Variants in ADD2 observed in about 807,000 individuals in gnomAD.
ADD2 encodes beta-adducin.
Under a neutral mutation model 83.0 loss-of-function variants are expected in ADD2, and 23 were observed. The observed-to-expected ratio is 0.28, with a 90% CI of 0.20 to 0.39. ADD2 has a LOEUF of 0.39. Ranked by LOEUF, ADD2 falls within the 10% of genes least tolerant of loss-of-function variation. ADD2 has a pLI of 1.00. For synonymous variants in ADD2, 375 were observed against 375.4 expected (o/e 1.00, Z 0.01); for missense variants, 758 against 944.9 (o/e 0.80, Z 2.59).
At chr2:70,703,900 G>A (rs1489907188) in intron 4 of ADD2, among the ~76,000 whole-genome samples, 1 of 152,084 alleles carries the variant, frequency 6.6e-6, no homozygotes, top group Non-Finnish European at 1.5e-5. Context: ...TTATTGAGGG[G>A]GAGTTATTTT....
intron 4 of ADD2, 55 bp downstream of exon 4, chr2:70,704,263 TCCC>T: frequency 2.2e-6 from 2 of 913,238 alleles, no homozygotes; most frequent in Non-Finnish European, 3.4e-6. Context: ...CTCCCTCTCT[TCCC>T]CACCCCACCC....
At position 70,657,288 on chromosome 2, in the gene ADD2, GAC is replaced by G. The variant is rs1355144822; in HGVS notation, c.*6135_*6136del. 6.6e-6 allele frequency: 1 copy of G among 152,176 alleles called. No individual in the cohort carries two copies. The highest frequency in any genetic ancestry group is 1.5e-5 in the Non-Finnish European group (1 of 68,018). 9.4% of individuals were successfully genotyped at this position (152,176 alleles called of 1,614,324 possible). ...AAGTACTCTTGCGTGACGATTGTCA[GAC>G]ACAGACATTTCACTGAAACCATCCA... is the stretch of plus-strand genomic sequence containing the variant. On this transcript the variant is annotated 3_prime_UTR_variant, in exon 16 of 16. Transcript: ENST00000264436.
At chr2:70,713,004 G>A in intron 2 of ADD2, 62 bp downstream of exon 2, 4 of 742,884 alleles carry the variant, frequency 5.4e-6, no homozygotes, top group Non-Finnish European at 6.6e-6. Context: ...TACCTCACGT[G>A]ATGGGCCCAG....
chr2:70,692,036 G>A (rs529196150), intron 7 of ADD2, among the ~76,000 whole-genome samples: 120 of 152,276 alleles, frequency 7.9e-4, no homozygotes, highest in African/African-American at 2.5e-3. Flanking sequence ...ATGGGAAAAC[G>A]GGCACAGTCC....
intron 15 of ADD2, among the ~76,000 whole-genome samples, chr2:70,672,456 T>C (rs1192014250): frequency 1.3e-5 from 2 of 152,186 alleles, no homozygotes; most frequent in African/African-American, 4.8e-5. Flanking sequence ...TAAGGTTGAG[T>C]ATGACATCAT....
chr2:70,730,456 T>C (rs1553379072), intron 1 of ADD2, among the ~76,000 whole-genome samples: 4 of 152,230 alleles, frequency 2.6e-5, no homozygotes, highest in East Asian at 3.8e-4. Flanking sequence ...ACACCTGTTA[T>C]GTCCTGTGTT....
chr2:70,656,990 A>G lies in ADD2; in HGVS notation c.*6435T>C, dbSNP rs1553364234. 1 of 148,798 alleles carries G rather than the reference A, an allele frequency of 6.7e-6. No individual in the cohort carries two copies. Among genetic ancestry groups the G allele is most frequent in the Non-Finnish European group, 1.5e-5 (1 of 67,352 alleles). 9.2% of individuals were successfully genotyped at this position (148,798 alleles called of 1,614,324 possible). ...CTCAGAGATTCAAACAGAAAACTAT[A>G]CAAAACCAACCCATAAATATATATA... On this transcript the variant is annotated 3_prime_UTR_variant, in exon 16 of 16. Transcript: ENST00000264436.
At chr2:70,745,870 C>G (rs1385297716) in intron 1 of ADD2, among the ~76,000 whole-genome samples, 1 of 152,174 alleles carries the variant, frequency 6.6e-6, no homozygotes, top group African/African-American at 2.4e-5. Flanking sequence ...GTTAGAGAAA[C>G]AGATTAATTG....
chr2:70,751,335 T>C (rs894839168), intron 1 of ADD2, among the ~76,000 whole-genome samples: 21 of 152,322 alleles, frequency 1.4e-4, no homozygotes, highest in African/African-American at 4.8e-4. Flanking sequence ...TTAGGGTACC[T>C]TGTTAGCTTT....
chr2:70,731,537 G>A (rs1337841826), intron 1 of ADD2, among the ~76,000 whole-genome samples: 1 of 152,182 alleles, frequency 6.6e-6, no homozygotes, highest in Non-Finnish European at 1.5e-5. Context: ...CTGACTTTGT[G>A]CATCACCATA....
At chr2:70,701,493 C>G (rs546594832) in intron 4 of ADD2, among the ~76,000 whole-genome samples, 1 of 152,170 alleles carries the variant, frequency 6.6e-6, no homozygotes, top group Admixed American at 6.5e-5. Flanking sequence ...AAACATTGTT[C>G]TGAAAGTTCT....
intron 1 of ADD2, among the ~76,000 whole-genome samples, chr2:70,729,503 T>C (rs1214953013): frequency 6.6e-6 from 1 of 152,198 alleles, no homozygotes; most frequent in Admixed American, 6.5e-5. Flanking sequence ...ACCCCTTCAT[T>C]GAACTTATGA....
chr2:70,683,319 G>A (rs1171569474), intron 10 of ADD2, among the ~76,000 whole-genome samples: 9 of 152,090 alleles, frequency 5.9e-5, no homozygotes, highest in East Asian at 5.8e-4. Context: ...GAGCCACTGC[G>A]CCCGGCCTGG....
chr2:70,758,676 T>C (rs1674925702), intron 1 of ADD2, among the ~76,000 whole-genome samples: 1 of 152,150 alleles, frequency 6.6e-6, no homozygotes, highest in Non-Finnish European at 1.5e-5. Flanking sequence ...TGGCATACAC[T>C]GTACTCCCAG....
chr2:70,752,213 A>C (rs782167139), intron 1 of ADD2, among the ~76,000 whole-genome samples: 1 of 152,194 alleles, frequency 6.6e-6, no homozygotes, highest in Non-Finnish European at 1.5e-5. Flanking sequence ...ATTCATAACA[A>C]GGGAGAAAAA....
At chr2:70,724,059 C>A (rs1478377042) in intron 1 of ADD2, among the ~76,000 whole-genome samples, 2 of 152,232 alleles carry the variant, frequency 1.3e-5, no homozygotes, top group African/African-American at 4.8e-5. Flanking sequence ...CAGTGAATAT[C>A]CACCTAACGA....
intron 1 of ADD2, among the ~76,000 whole-genome samples, chr2:70,735,842 C>T (rs1478559020): frequency 6.7e-6 from 1 of 149,600 alleles, no homozygotes; most frequent in Non-Finnish European, 1.5e-5. Context: ...CCTTAGGTGC[C>T]CGCAGCCATG....
Position 70,659,166 on chromosome 2 carries a change from A to C in ADD2, c.*4259T>G, listed in dbSNP as rs1298504397. 1 of 151,808 alleles carries C rather than the reference A, an allele frequency of 6.6e-6. No homozygotes were observed. Among genetic ancestry groups the C allele is most frequent in the East Asian group, 1.9e-4 (1 of 5,188 alleles). The allele number at this position is 151,808 out of a possible 1,614,324, so 9.4% of individuals were successfully genotyped here. On this transcript the variant is annotated 3_prime_UTR_variant, in exon 16 of 16. Transcript: ENST00000264436. ...CGTCTAAAAAAAAAAAAAAAAAAAA[A>C]AAAAAAGAAAGAAAAAGAAAAAACA... is the stretch of plus-strand genomic sequence containing the variant.
At chr2:70,709,079 T>C (rs782226051) in intron 2 of ADD2, among the ~76,000 whole-genome samples, 17 of 152,198 alleles carry the variant, frequency 1.1e-4, no homozygotes, top group Non-Finnish European at 2.1e-4. Flanking sequence ...TTAATTCATC[T>C]AAAATTTTTC....
Sources: allele counts gnomAD v4.1 joint callset (sites outside exome capture counted in the v4.1 genomes callset), GRCh38; gene constraint gnomAD v4.1.1; transcripts MANE v1.5; gene names NCBI Gene and HGNC (gene_info 2026-07-23, HGNC 2026-07-21).